DNAH17: variants seen among roughly 807,000 people sequenced by gnomAD.
DNAH17 encodes the protein axonemal beta dynein heavy chain 17.
Under a neutral mutation model 485.6 loss-of-function variants are expected in DNAH17, and 376 were observed. The ratio of observed to expected loss-of-function variants is 0.77; its 90% CI spans 0.71 to 0.84. DNAH17 has a LOEUF of 0.84. Among genes scored for constraint, DNAH17 ranks in the 40% least tolerant of loss-of-function variants. The pLI, the probability that DNAH17 is intolerant of heterozygous loss-of-function variation, is 0.00. For synonymous variants in DNAH17, 3,031 were observed against 2,405.9 expected, an observed-to-expected ratio of 1.26 and a Z score of -7.60; for missense variants, 6,370 against 5,839.3, an observed-to-expected ratio of 1.09 and a Z score of -2.96.
chr17:78,560,003 G>A (rs1372548856), intron 13 of DNAH17, among the ~76,000 whole-genome samples: 2 of 151,998 alleles, frequency 1.3e-5, no homozygotes, highest in African/African-American at 2.4e-5. Context: ...CGGCTCTATT[G>A]ATCTTCTTAA....
In DNAH17 at chr17:78,560,661, T is replaced by G. The variant is rs2092133053; in HGVS notation, c.2031+79A>C. ...TGATATAAACATCGACCTCCATAAA[T>G]CCGTGCTGAGGGAACCTTGGCAGGC... On this transcript the variant is annotated intron_variant, in intron 13 of 80. Coordinates refer to ENST00000389840, the MANE Select transcript of DNAH17 (RefSeq NM_173628.4). 2.1e-6 allele frequency: 3 copies of G among 1,412,336 alleles called. No homozygotes were observed. The African/African-American group carries it at 4.3e-5, about 20-fold the overall frequency. 87.5% of individuals were successfully genotyped at this position (1,412,336 alleles called of 1,614,324 possible).
At chr17:78,509,822 A>C (rs1022051283) in intron 27 of DNAH17, among the ~76,000 whole-genome samples, 2 of 152,222 alleles carry the variant, frequency 1.3e-5, no homozygotes, top group African/African-American at 2.4e-5. Context: ...TATTTACAAA[A>C]TGTTCCAAAC....
At chr17:78,521,757 C>G (rs368891695) in intron 25 of DNAH17, among the ~76,000 whole-genome samples, 1 of 152,156 alleles carries the variant, frequency 6.6e-6, no homozygotes, top group East Asian at 1.9e-4. Flanking sequence ...GAGGCCAAGG[C>G]GGGCGCATTG....
chr17:78,447,703 T>C (rs77555723), intron 69 of DNAH17, among the ~76,000 whole-genome samples: 1,919 of 152,308 alleles, frequency 0.013, 39 homozygotes, highest in African/African-American at 0.04. Context: ...AATCTCATAG[T>C]GAACCTATGA....
At chr17:78,504,361 G>A (rs548216821) in intron 31 of DNAH17, among the ~76,000 whole-genome samples, 30 of 152,040 alleles carry the variant, frequency 2.0e-4, no homozygotes, top group Middle Eastern at 6.8e-3. Context: ...TACCGCGCCC[G>A]GCCAGATTTT....
chr17:78,518,084 G>C (rs942518447), intron 25 of DNAH17, among the ~76,000 whole-genome samples: 1 of 152,074 alleles, frequency 6.6e-6, no homozygotes, highest in African/African-American at 2.4e-5. Context: ...AGAGTCAGAG[G>C]AATAAGAAAC....
chr17:78,428,772 G>A (rs1025366506), intron 76 of DNAH17, 65 bp from the exon 77 acceptor site: 4 of 1,574,886 alleles, frequency 2.5e-6, no homozygotes, highest in African/African-American at 2.7e-5. Context: ...TGTCCTGTTG[G>A]TTAAGCATTC....
At chr17:78,472,131 ACAT>A (rs2088780480) in intron 54 of DNAH17, among the ~76,000 whole-genome samples, 1 of 152,196 alleles carries the variant, frequency 6.6e-6, no homozygotes, top group Non-Finnish European at 1.5e-5. Context: ...TTTGGCCAAA[ACAT>A]CAGCAGCAGT....
intron 32 of DNAH17, 87 bp from the exon 33 acceptor site, chr17:78,502,785 T>C (rs1035992393): frequency 1.2e-4 from 190 of 1,588,320 alleles, no homozygotes; most frequent in Admixed American, 7.1e-5. Context: ...GCTTAGATGG[T>C]TTTCCAGGGG....
chr17:78,568,289 C>T (rs778850644), intron 9 of DNAH17, among the ~76,000 whole-genome samples: 9 of 152,126 alleles, frequency 5.9e-5, no homozygotes, highest in South Asian at 2.1e-4. Context: ...CATTAGTCCG[C>T]GCTCTGTGAC....
At position 78,485,691 on chromosome 17, in the gene DNAH17, A is replaced by AC; in HGVS notation, c.7341dup (p.Ser2448ValfsTer68). The stretch of plus-strand genomic sequence containing the variant: ...TTCCCCACCAGCATCACCGGCCAGG[A>AC]CTTCTCCATGAGCAGGTCCATGAAG... On this transcript the variant is annotated frameshift_variant, in exon 47 of 81. Coordinates refer to ENST00000389840, the MANE Select transcript of DNAH17 (RefSeq NM_173628.4). LOFTEE classifies it high-confidence loss of function. The AC allele has an allele frequency of 6.2e-7, 1 of 1,613,904 alleles. No individual in the cohort carries two copies. The highest frequency in any genetic ancestry group is 8.5e-7 in the Non-Finnish European group (1 of 1,179,870).
chr17:78,436,270 T>TA (rs2086848402), intron 74 of DNAH17, among the ~76,000 whole-genome samples: 1 of 151,964 alleles, frequency 6.6e-6, no homozygotes, highest in Non-Finnish European at 1.5e-5. Flanking sequence ...CTACTAAAAA[T>TA]ACAAAAAACT....
intron 41 of DNAH17, among the ~76,000 whole-genome samples, chr17:78,493,433 G>C (rs1243724274): frequency 6.6e-6 from 1 of 152,216 alleles, no homozygotes; most frequent in Non-Finnish European, 1.5e-5. Context: ...CCTCCATTCA[G>C]GGAAAAGGAG....
At chr17:78,546,793 C>G (rs779834631) in intron 16 of DNAH17, among the ~76,000 whole-genome samples, 4 of 152,158 alleles carry the variant, frequency 2.6e-5, no homozygotes, top group African/African-American at 9.7e-5. Context: ...GTAATCCCAG[C>G]TATTTGGGAG....
intron 25 of DNAH17, among the ~76,000 whole-genome samples, chr17:78,517,591 C>A (rs1005605951): frequency 6.6e-6 from 1 of 152,222 alleles, no homozygotes; most frequent in Non-Finnish European, 1.5e-5. Flanking sequence ...ATGATCCAGA[C>A]TGCCCTCGTT....
At position 78,526,686 on chromosome 17, in the gene DNAH17, A is replaced by AGGAGAACGG; in HGVS notation, c.3667_3675dup (p.Pro1223_Ser1225dup). ...GACTTGTAGGGGTTGGGGTCGCTGA[A>AGGAGAACGG]GGAGAACGGGGCCTCGCGCCTGAAC... On this transcript the variant is annotated inframe_insertion, in exon 24 of 81. Coordinates refer to ENST00000389840, the MANE Select transcript of DNAH17 (RefSeq NM_173628.4). 6.2e-7 allele frequency: 1 copy of AGGAGAACGG among 1,610,956 alleles called. No homozygotes were observed. Among genetic ancestry groups the AGGAGAACGG allele is most frequent in the Non-Finnish European group, 8.5e-7 (1 of 1,177,690 alleles).
chr17:78,554,146 C>T (rs1277129615), intron 14 of DNAH17, among the ~76,000 whole-genome samples: 1 of 152,118 alleles, frequency 6.6e-6, no homozygotes, highest in Non-Finnish European at 1.5e-5. Context: ...TGCAGAGAAA[C>T]TATTCAAGTT....
chr17:78,527,378 C>T (rs2091107262), intron 22 of DNAH17, among the ~76,000 whole-genome samples: 1 of 151,908 alleles, frequency 6.6e-6, no homozygotes, highest in African/African-American at 2.4e-5. Flanking sequence ...AGAGTGGGAC[C>T]CTGTCTCAAA....
chr17:78,544,541 G>A (rs534581265), intron 16 of DNAH17, among the ~76,000 whole-genome samples: 36 of 152,086 alleles, frequency 2.4e-4, no homozygotes, highest in African/African-American at 7.7e-4. Flanking sequence ...GGTGGCCCAT[G>A]CCTGTAATCC....
Sources: allele counts gnomAD v4.1 joint callset (sites outside exome capture counted in the v4.1 genomes callset), GRCh38; gene constraint gnomAD v4.1.1; transcripts MANE v1.5; gene names NCBI Gene and HGNC (gene_info 2026-07-23, HGNC 2026-07-21).